Variants in RGS7 observed in about 807,000 individuals in gnomAD.
The protein encoded by RGS7 is regulator of G protein signaling 7, also known as regulator of G-protein signaling 7.
In RGS7, 27 loss-of-function variants were observed where a neutral mutation model predicts 81.1. The observed-to-expected ratio is 0.33, with a 90% CI of 0.25 to 0.46. RGS7 has a LOEUF of 0.46. Among genes scored for constraint, RGS7 ranks in the 20% least tolerant of loss-of-function variants. The probability of loss-of-function intolerance (pLI) is 1.00; values close to 1 mark genes in which losing one functional copy is unlikely to be tolerated. For synonymous variants in RGS7, 208 were observed against 207.7 expected, an observed-to-expected ratio of 1.00 and a Z score of -0.01; for missense variants, 396 against 607.4, an observed-to-expected ratio of 0.65 and a Z score of 3.66.
chr1:241,302,266 CCGG>C lies in RGS7; in HGVS notation c.78+53430_78+53432del, dbSNP rs897258426. Among the ~76,000 whole-genome samples, 588 of 152,160 alleles carry C rather than the reference CCGG, an allele frequency of 3.9e-3. 5 individuals are homozygous for C. Among genetic ancestry groups the C allele is most frequent in the African/African-American group, 0.013 (547 of 41,522 alleles). Reference sequence around the variant, plus strand: ...AGGCATCTTAAAACTTTGGCTTCGGCCGGCCGGGCGCGGTGGCTTACGCCTGTA... The same window carrying C: ...AGGCATCTTAAAACTTTGGCTTCGGCCCGGGCGCGGTGGCTTACGCCTGTA... On this transcript the variant is annotated intron_variant, in intron 2 of 18. Transcript: ENST00000440928.
intron 2 of RGS7, among the ~76,000 whole-genome samples, chr1:241,273,077 C>G (rs1050762677): frequency 1.3e-5 from 2 of 151,840 alleles, no homozygotes; most frequent in African/African-American, 4.8e-5. Context: ...ACTATTTTCT[C>G]TCTTGACTTT....
intron 2 of RGS7, among the ~76,000 whole-genome samples, chr1:241,199,104 GAA>G (rs538216592): frequency 1.5e-4 from 22 of 143,534 alleles, no homozygotes; most frequent in Middle Eastern, 7.1e-3. Flanking sequence ...GTAAAAAAAA[GAA>G]GTCATCTGAT....
chr1:240,825,181 GC>G (rs1167544615), intron 10 of RGS7, among the ~76,000 whole-genome samples: 2 of 152,174 alleles, frequency 1.3e-5, no homozygotes, highest in African/African-American at 4.8e-5. Flanking sequence ...AATTAGGGGA[GC>G]AAGGCCCTGA....
chr1:240,928,607 T>TC (rs1674880467), intron 6 of RGS7, among the ~76,000 whole-genome samples: 1 of 145,176 alleles, frequency 6.9e-6, no homozygotes, highest in Non-Finnish European at 1.5e-5. Context: ...CTTTATAATT[T>TC]TTTTTTTTTT....
At chr1:240,933,093 A>T (rs182320643) in intron 5 of RGS7, among the ~76,000 whole-genome samples, 4 of 150,050 alleles carry the variant, frequency 2.7e-5, no homozygotes, top group South Asian at 2.1e-4. Context: ...CGTGTTAGCC[A>T]GGATGGTCTC....
intron 9 of RGS7, among the ~76,000 whole-genome samples, chr1:240,844,519 T>C (rs913895524): frequency 6.6e-6 from 1 of 152,156 alleles, no homozygotes; most frequent in Non-Finnish European, 1.5e-5. Context: ...ACCAACTTAA[T>C]AATAGGGGAA....
At chr1:241,117,084 G>A (rs2065930496) in intron 2 of RGS7, among the ~76,000 whole-genome samples, 1 of 152,056 alleles carries the variant, frequency 6.6e-6, no homozygotes, top group South Asian at 2.1e-4. Context: ...GCATTACAAT[G>A]GAAGATTATA....
chr1:241,046,231 G>A (rs1241208064), intron 3 of RGS7, among the ~76,000 whole-genome samples: 1 of 152,070 alleles, frequency 6.6e-6, no homozygotes, highest in Non-Finnish European at 1.5e-5. Context: ...ATAACACTGA[G>A]GTTTGGGGTA....
rs577114868 is a variant in RGS7 at position 241,316,062 on chromosome 1, T to A, written c.78+39637A>T. Among the ~76,000 whole-genome samples, 4 of 152,356 alleles carry A rather than the reference T, an allele frequency of 2.6e-5. No individual in the cohort carries two copies. The South Asian group carries it at 8.3e-4, about 32-fold the overall frequency. On this transcript the variant is annotated intron_variant, in intron 2 of 18. Coordinates refer to ENST00000440928, the MANE Select transcript of RGS7 (RefSeq NM_001364886.1). ...CTTAGTTTCTCCTACTCTACTTTCA[T>A]AACATGCTTCTGACACTCATTGCGG...
At chr1:240,887,881 C>A (rs1667649271) in intron 6 of RGS7, among the ~76,000 whole-genome samples, 3 of 151,834 alleles carry the variant, frequency 2.0e-5, no homozygotes, top group Admixed American at 6.6e-5. Flanking sequence ...ATCTTGCTAC[C>A]CAAACGTTGC....
At chr1:241,196,477 A>G (rs2147820513) in intron 2 of RGS7, among the ~76,000 whole-genome samples, 1 of 152,256 alleles carries the variant, frequency 6.6e-6, no homozygotes, top group Non-Finnish European at 1.5e-5. Context: ...ATATTTGACC[A>G]GCTAACAAGA....
At chr1:240,960,931 G>A (rs1681324200) in intron 4 of RGS7, among the ~76,000 whole-genome samples, 1 of 152,116 alleles carries the variant, frequency 6.6e-6, no homozygotes, top group Non-Finnish European at 1.5e-5. Flanking sequence ...AGCATGCCAA[G>A]TGCAATTATG....
At chr1:240,962,407 GTT>G (rs1479734929) in intron 4 of RGS7, among the ~76,000 whole-genome samples, 1 of 151,894 alleles carries the variant, frequency 6.6e-6, no homozygotes, top group African/African-American at 2.4e-5. Context: ...CCTTTCCTTT[GTT>G]TCTCTCTATA....
chr1:241,089,063 CTATATATATATA>C lies in RGS7; in HGVS notation c.175+9591_175+9602del, dbSNP rs1161090389. Among the ~76,000 whole-genome samples, 48 of 23,678 alleles carry C rather than the reference CTATATATATATA, an allele frequency of 2.0e-3. 4 individuals are homozygous for C. The highest frequency in any genetic ancestry group is 5.8e-3 in the African/African-American group (25 of 4,314). 15.5% of individuals were successfully genotyped at this position (23,678 alleles called of 152,430 possible). ...TCTCTCTCTCTCTCTCTCTCTCTCT[CTATATATATATA>C]TATATATATATATATATATATACTG... On this transcript the variant is annotated intron_variant, in intron 3 of 18. Transcript: ENST00000440928.
chr1:240,951,000 C>T (rs1321153297), intron 4 of RGS7, among the ~76,000 whole-genome samples: 1 of 151,564 alleles, frequency 6.6e-6, no homozygotes, highest in East Asian at 1.9e-4. Flanking sequence ...TGGCTCATTG[C>T]AGCCTCGACC....
chr1:241,331,016 G>T (rs183276450), intron 2 of RGS7, among the ~76,000 whole-genome samples: 2 of 152,078 alleles, frequency 1.3e-5, no homozygotes, highest in Non-Finnish European at 2.9e-5. Context: ...ACTTTTCCAT[G>T]ATTCCTATAT....
chr1:240,815,044 T>C (rs746440057), intron 11 of RGS7, among the ~76,000 whole-genome samples: 2 of 152,170 alleles, frequency 1.3e-5, no homozygotes, highest in Non-Finnish European at 2.9e-5. Context: ...TATTTTAAAA[T>C]TGTAGAGATT....
At chr1:240,840,268 A>ACTTTT (rs1249061377) in intron 9 of RGS7, among the ~76,000 whole-genome samples, 1 of 149,220 alleles carries the variant, frequency 6.7e-6, no homozygotes, top group Admixed American at 6.7e-5. Context: ...GAGGTGTTAC[A>ACTTTT]CTTTTCTTTT....
At chr1:241,149,207 C>A (rs1333771286) in intron 2 of RGS7, among the ~76,000 whole-genome samples, 2 of 152,120 alleles carry the variant, frequency 1.3e-5, no homozygotes, top group Non-Finnish European at 2.9e-5. Context: ...GCTCTTGTTG[C>A]CCAGGCTGGA....
Sources: allele counts gnomAD v4.1 joint callset (sites outside exome capture counted in the v4.1 genomes callset), GRCh38; gene constraint gnomAD v4.1.1; transcripts MANE v1.5; gene names NCBI Gene and HGNC (gene_info 2026-07-23, HGNC 2026-07-21).